Variants in HTR1F observed in about 807,000 individuals in gnomAD.
The protein encoded by HTR1F is 5-hydroxytryptamine receptor 1F.
A neutral mutation model predicts 24.0 loss-of-function variants in HTR1F; 17 were observed. That is an observed-to-expected ratio of 0.71 (90% confidence interval 0.48 to 1.06). The LOEUF is 1.06. HTR1F is among the 50% of genes least tolerant of loss of function. The pLI is 0.00. For synonymous variants in HTR1F, 186 were observed against 156.8 expected, an observed-to-expected ratio of 1.19 and a Z score of -1.39; for missense variants, 391 against 427.8, an observed-to-expected ratio of 0.91 and a Z score of 0.76.
intron 1 of HTR1F, among the ~76,000 whole-genome samples, chr3:87,821,272 C>T (rs781734169): frequency 2.6e-5 from 4 of 152,062 alleles, no homozygotes; most frequent in Non-Finnish European, 5.9e-5. Context: ...TTGTATGAAT[C>T]TTTTATTTTC....
At chr3:87,874,902 C>A (rs1705636057) in intron 2 of HTR1F, among the ~76,000 whole-genome samples, 3 of 152,070 alleles carry the variant, frequency 2.0e-5, no homozygotes, top group Non-Finnish European at 4.4e-5. Context: ...GTCTCCTCAA[C>A]AAATGATGTT....
intron 2 of HTR1F, among the ~76,000 whole-genome samples, chr3:87,824,851 A>G (rs1255892556): frequency 6.6e-6 from 1 of 152,232 alleles, no homozygotes. Context: ...TAATTCTATA[A>G]GTATGAAAGC....
At chr3:87,843,618 T>C (rs1704860577) in intron 2 of HTR1F, among the ~76,000 whole-genome samples, 1 of 151,158 alleles carries the variant, frequency 6.6e-6, no homozygotes, top group South Asian at 2.1e-4. Flanking sequence ...CATGCTGGTG[T>C]GCTGCACCCA....
chr3:87,852,210 A>G (rs1705102318), intron 2 of HTR1F, among the ~76,000 whole-genome samples: 1 of 151,554 alleles, frequency 6.6e-6, no homozygotes, highest in South Asian at 2.1e-4. Flanking sequence ...TTTTCATTGC[A>G]TTTTATCTTC....
intron 2 of HTR1F, among the ~76,000 whole-genome samples, chr3:87,949,225 G>A (rs914754374): frequency 6.6e-6 from 1 of 152,042 alleles, no homozygotes; most frequent in Admixed American, 6.5e-5. Context: ...GATCCTTTAG[G>A]GTAGTTTCTA....
At chr3:87,949,358 T>A (rs532350021) in intron 2 of HTR1F, among the ~76,000 whole-genome samples, 8 of 152,210 alleles carry the variant, frequency 5.3e-5, no homozygotes, top group Non-Finnish European at 1.0e-4. Flanking sequence ...ACACTGCATA[T>A]CTAGAAAAGG....
intron 1 of HTR1F, among the ~76,000 whole-genome samples, chr3:87,813,101 T>C (rs1194674846): frequency 6.6e-6 from 1 of 152,094 alleles, no homozygotes; most frequent in African/African-American, 2.4e-5. Context: ...CCTAGTGAAG[T>C]TGTGAGAAGA....
intron 2 of HTR1F, among the ~76,000 whole-genome samples, chr3:87,905,068 G>A (rs887309654): frequency 6.6e-6 from 1 of 152,024 alleles, no homozygotes; most frequent in Non-Finnish European, 1.5e-5. Flanking sequence ...AACTACTTGG[G>A]AGGCTGAGGT....
chr3:87,895,457 C>A (rs1295817725), intron 2 of HTR1F, among the ~76,000 whole-genome samples: 2 of 151,866 alleles, frequency 1.3e-5, no homozygotes, highest in East Asian at 1.9e-4. Context: ...TATATACACA[C>A]AAATAATATT....
At chr3:87,817,773 A>T (rs1195488515) in intron 1 of HTR1F, among the ~76,000 whole-genome samples, 2 of 152,176 alleles carry the variant, frequency 1.3e-5, no homozygotes, top group Non-Finnish European at 2.9e-5. Flanking sequence ...AAATGGTAAG[A>T]CTACTGAGAT....
chr3:87,828,620 G>A (rs1451194020), intron 2 of HTR1F, among the ~76,000 whole-genome samples: 3 of 152,156 alleles, frequency 2.0e-5, no homozygotes, highest in African/African-American at 7.2e-5. Flanking sequence ...AGAGTAGCCA[G>A]AAAGAGTGAA....
At chr3:87,850,196 G>T (rs192123693) in intron 2 of HTR1F, among the ~76,000 whole-genome samples, 4 of 151,830 alleles carry the variant, frequency 2.6e-5, no homozygotes, top group African/African-American at 7.3e-5. Context: ...TAGCAAAGAC[G>T]TGGAACCAGC....
chr3:87,862,763 T>C (rs576685041), intron 2 of HTR1F, among the ~76,000 whole-genome samples: 3 of 152,234 alleles, frequency 2.0e-5, no homozygotes, highest in African/African-American at 4.8e-5. Flanking sequence ...ATTTTTCTAT[T>C]TTTGACTTCT....
chr3:87,848,618 A>C (rs1705003334), intron 2 of HTR1F, among the ~76,000 whole-genome samples: 1 of 151,878 alleles, frequency 6.6e-6, no homozygotes, highest in Non-Finnish European at 1.5e-5. Flanking sequence ...AAATAATCTA[A>C]ATGTTTAAAA....
chr3:87,991,973 G>T lies in HTR1F; in HGVS notation c.*123G>T. The T allele has an allele frequency of 1.4e-6, 1 of 730,442 alleles. No individual in the cohort carries two copies. The highest frequency in any genetic ancestry group is 2.1e-6 in the Non-Finnish European group (1 of 465,434). 45.2% of individuals were successfully genotyped at this position (730,442 alleles called of 1,614,324 possible). A position where few individuals can be genotyped will look rare whatever the true frequency, so the allele number is the denominator to read the frequency against. On this transcript the variant is annotated 3_prime_UTR_variant, in exon 3 of 3. Transcript: ENST00000319595. ...TACATGAAAACTGCTAAATTGATAA[G>T]GCTATAATTTATATTTTAATAGCAA...
intron 2 of HTR1F, among the ~76,000 whole-genome samples, chr3:87,842,935 A>G (rs1363263196): frequency 1.3e-5 from 2 of 151,940 alleles, no homozygotes; most frequent in African/African-American, 4.9e-5. Flanking sequence ...GTTTGAAAGG[A>G]CACACTTTAT....
At chr3:87,959,247 T>A (rs954642015) in intron 2 of HTR1F, among the ~76,000 whole-genome samples, 30 of 151,742 alleles carry the variant, frequency 2.0e-4, no homozygotes, top group African/African-American at 6.5e-4. Flanking sequence ...ATTTTTATGG[T>A]TGGAATAGTA....
At chr3:87,973,756 C>T (rs1439143160) in intron 2 of HTR1F, among the ~76,000 whole-genome samples, 1 of 152,172 alleles carries the variant, frequency 6.6e-6, no homozygotes, top group Non-Finnish European at 1.5e-5. Context: ...CCCTACTAAA[C>T]TAATCATTAT....
intron 2 of HTR1F, among the ~76,000 whole-genome samples, chr3:87,847,878 C>T (rs1704981730): frequency 6.6e-6 from 1 of 151,792 alleles, no homozygotes; most frequent in South Asian, 2.1e-4. Flanking sequence ...CATGACTGCG[C>T]TCTTTATGGC....
Sources: gnomAD v4.1 joint callset for allele counts (sites outside exome capture counted in the v4.1 genomes callset) on GRCh38, gnomAD v4.1.1 for gene constraint, MANE v1.5 for transcripts, NCBI Gene and HGNC (gene_info 2026-07-23, HGNC 2026-07-21) for gene names.